Variants in TECRL observed in about 807,000 individuals in gnomAD.
TECRL encodes the protein trans-2,3-enoyl-CoA reductase like, also known as trans-2,3-enoyl-CoA reductase-like.
In TECRL, 63 loss-of-function variants were observed where a neutral mutation model predicts 52.8. That is an observed-to-expected ratio of 1.19 (90% CI 0.97 to 1.47). TECRL has a LOEUF of 1.47. Among genes scored for constraint, TECRL ranks in the 40% most tolerant of loss-of-function variants. The pLI is 0.00. For synonymous variants in TECRL, 164 were observed against 141.9 expected (o/e 1.16, Z -1.10); for missense variants, 482 against 429.6 (o/e 1.12, Z -1.08).
In TECRL at chr4:64,409,112, A is replaced by G. The variant is rs757862864; in HGVS notation, c.234+6T>C. 10 of 1,586,370 alleles carry G rather than the reference A, an allele frequency of 6.3e-6. No individual in the cohort carries two copies. In the East Asian group the frequency reaches 6.8e-5, roughly 11 times the overall value. ...AACAAACAAATAAATAAATAAATAA[A>G]CTCACCTTATCCAGAATACATATCT... is the stretch of plus-strand genomic sequence containing the variant. On this transcript the variant is annotated splice_donor_region_variant and intron_variant, in intron 1 of 11. Coordinates refer to ENST00000381210, the MANE Select transcript of TECRL (RefSeq NM_001010874.5).
intron 9 of TECRL, among the ~76,000 whole-genome samples, chr4:64,286,063 C>A (rs556927562): frequency 2.0e-4 from 30 of 151,994 alleles, no homozygotes; most frequent in Non-Finnish European, 4.0e-4. Flanking sequence ...GTAAATCAAT[C>A]AGCATTTACA....
intron 1 of TECRL, among the ~76,000 whole-genome samples, chr4:64,384,070 T>C (rs773056110): frequency 2.6e-5 from 4 of 152,148 alleles, no homozygotes; most frequent in Non-Finnish European, 4.4e-5. Context: ...GAGGCTTTAC[T>C]GGAAATTAGA....
At chr4:64,404,285 T>G (rs1724566662) in intron 1 of TECRL, among the ~76,000 whole-genome samples, 2 of 151,050 alleles carry the variant, frequency 1.3e-5, no homozygotes, top group East Asian at 3.9e-4. Context: ...GAGAAAAGAT[T>G]GAAGAAAATA....
rs140889196 is a variant in TECRL, at chr4:64,309,295, G to T, written c.657+531C>A. On this transcript the variant is annotated intron_variant, in intron 6 of 11. Coordinates refer to ENST00000381210, the MANE Select transcript of TECRL (RefSeq NM_001010874.5). ...TGAAAAACAAAATTTAGCTTAAATT[G>T]AAAATTGAGTTTCAACATGTTGTCT... Among the ~76,000 whole-genome samples, 33 of 152,146 alleles carry T rather than the reference G, an allele frequency of 2.2e-4. No individual in the cohort carries two copies. The East Asian group carries it at 6.2e-3, about 29-fold the overall frequency.
chr4:64,340,920 C>G (rs1305777743), intron 2 of TECRL, among the ~76,000 whole-genome samples: 2 of 152,144 alleles, frequency 1.3e-5, no homozygotes, highest in Non-Finnish European at 2.9e-5. Flanking sequence ...GCGGGAACTA[C>G]CAGCTGCAGA....
chr4:64,348,577 A>G (rs1156356595), intron 2 of TECRL, among the ~76,000 whole-genome samples: 1 of 152,012 alleles, frequency 6.6e-6, no homozygotes, highest in Non-Finnish European at 1.5e-5. Context: ...CGGTGCTGTC[A>G]TTTTGATCTA....
intron 1 of TECRL, among the ~76,000 whole-genome samples, chr4:64,397,043 A>G (rs1724003733): frequency 6.6e-6 from 1 of 152,188 alleles, no homozygotes; most frequent in South Asian, 2.1e-4. Flanking sequence ...GGAACATGAG[A>G]GAGAACCCAG....
At chr4:64,381,731 T>A (rs994929177) in intron 1 of TECRL, among the ~76,000 whole-genome samples, 4 of 152,178 alleles carry the variant, frequency 2.6e-5, no homozygotes, top group African/African-American at 7.2e-5. Context: ...CATTTATTCC[T>A]GGAATAAATC....
chr4:64,368,734 T>G (rs1721786839), intron 2 of TECRL, among the ~76,000 whole-genome samples: 1 of 152,088 alleles, frequency 6.6e-6, no homozygotes, highest in African/African-American at 2.4e-5. Context: ...TGGCTTTTTT[T>G]GTTAAGAGTT....
intron 2 of TECRL, among the ~76,000 whole-genome samples, chr4:64,344,194 C>T (rs1457448348): frequency 6.6e-6 from 1 of 151,578 alleles, no homozygotes; most frequent in East Asian, 1.9e-4. Context: ...TATATTATAG[C>T]TCCATATGTA....
At chr4:64,343,843 G>A (rs145496745) in intron 2 of TECRL, among the ~76,000 whole-genome samples, 37 of 151,838 alleles carry the variant, frequency 2.4e-4, no homozygotes, top group Admixed American at 4.6e-4. Context: ...TTAGAGCCAC[G>A]GAGAGAAAAA....
intron 1 of TECRL, among the ~76,000 whole-genome samples, chr4:64,376,020 A>G (rs770052065): frequency 1.3e-5 from 2 of 151,832 alleles, no homozygotes; most frequent in Non-Finnish European, 2.9e-5. Flanking sequence ...TATTATAATC[A>G]TATGTCTACA....
chr4:64,399,670 A>G (rs1001403441), intron 1 of TECRL, among the ~76,000 whole-genome samples: 8 of 152,208 alleles, frequency 5.3e-5, no homozygotes, highest in African/African-American at 1.9e-4. Context: ...ACCCTGGTGC[A>G]AAGGGACTTA....
chr4:64,401,599 T>C lies in TECRL; in HGVS notation c.234+7519A>G, dbSNP rs185202869. On this transcript the variant is annotated intron_variant, in intron 1 of 11. Coordinates refer to ENST00000381210, the MANE Select transcript of TECRL (RefSeq NM_001010874.5). ...ATTATATTGTAATTTGTTTTAAATGTGTTATCTGTCTTTCCAATTAAATTC... is the reference window on the plus strand; with the variant it reads ...ATTATATTGTAATTTGTTTTAAATGCGTTATCTGTCTTTCCAATTAAATTC... Among the ~76,000 whole-genome samples the C allele has an allele frequency of 1.2e-3, 182 of 152,282 alleles. 1 individual carries two copies. Among genetic ancestry groups the C allele is most frequent in the Admixed American group, 0.011 (165 of 15,290 alleles).
At chr4:64,354,128 AG>A (rs1299244496) in intron 2 of TECRL, among the ~76,000 whole-genome samples, 4 of 152,184 alleles carry the variant, frequency 2.6e-5, no homozygotes, top group African/African-American at 9.6e-5. Context: ...ATACTGACAA[AG>A]AACACCATTT....
chr4:64,329,175 A>G lies in TECRL; in HGVS notation c.287-619T>C, dbSNP rs141613554. On this transcript the variant is annotated intron_variant, in intron 2 of 11. Transcript: ENST00000381210. ...TCTTTATTATACACTGCCATAATGA[A>G]GAGTTGATTCACAATTATCAGAATA... Among the ~76,000 whole-genome samples the G allele has an allele frequency of 4.0e-3, 605 of 152,130 alleles. 9 individuals carry two copies. Among genetic ancestry groups the G allele is most frequent in the East Asian group, 0.034 (179 of 5,190 alleles).
At chr4:64,375,275 C>T (rs1033242098) in intron 1 of TECRL, 52 bp from the exon 2 acceptor site, 2 of 985,718 alleles carry the variant, frequency 2.0e-6, no homozygotes, top group Admixed American at 7.5e-5. Flanking sequence ...AATTTGTTTT[C>T]TATCCATTTA....
chr4:64,327,735 A>G (rs1718358935), intron 3 of TECRL, among the ~76,000 whole-genome samples: 1 of 152,068 alleles, frequency 6.6e-6, no homozygotes. Context: ...GAGAGACTCA[A>G]AGAAATAATC....
chr4:64,372,943 G>C (rs966339212), intron 2 of TECRL, among the ~76,000 whole-genome samples: 1 of 151,358 alleles, frequency 6.6e-6, no homozygotes, highest in African/African-American at 2.4e-5. Flanking sequence ...ATGTTATCTA[G>C]TTTTAAAATA....
Sources: gnomAD v4.1 joint callset for allele counts (sites outside exome capture counted in the v4.1 genomes callset) on GRCh38, gnomAD v4.1.1 for gene constraint, MANE v1.5 for transcripts, NCBI Gene and HGNC (gene_info 2026-07-23, HGNC 2026-07-21) for gene names.